Variants in STAC2 observed in about 807,000 individuals in gnomAD.
STAC2 encodes the protein SH3 and cysteine rich domain 2, also known as SH3 and cysteine-rich domain-containing protein 2.
STAC2 carries 36 observed loss-of-function variants against 49.0 expected under a neutral mutation model. The observed-to-expected ratio is 0.74, with a 90% CI of 0.56 to 0.97. The LOEUF (loss-of-function observed/expected upper bound fraction) is 0.97. STAC2 is among the 50% of genes least tolerant of loss of function. The pLI is 0.00. For synonymous variants in STAC2, 239 were observed against 214.7 expected, an observed-to-expected ratio of 1.11 and a Z score of -0.99; for missense variants, 527 against 543.8, an observed-to-expected ratio of 0.97 and a Z score of 0.31.
In STAC2 at chr17:39,225,722, C is replaced by G. The variant is rs1666656884; in HGVS notation, c.-220G>C. ...ACCACGCTGAGCCGCAGGAGCGGGA[C>G]GACCCCGGGCGCGAGGACCGAGGGT... is the stretch of plus-strand genomic sequence containing the variant. On this transcript the variant is annotated 5_prime_UTR_variant, in exon 1 of 11. Coordinates refer to ENST00000333461, the MANE Select transcript of STAC2 (RefSeq NM_198993.5). This position sits in a 1 kb window ranked among gnomAD's most constrained non-coding sequence, Gnocchi z 8.2. The G allele has an allele frequency of 1.7e-6, 1 of 576,276 alleles. No individual in the cohort carries two copies. The allele number at this position is 576,276 out of a possible 1,614,324, so 35.7% of individuals were successfully genotyped here.
At chr17:39,216,769 C>T in intron 4 of STAC2, 41 bp downstream of exon 4, 1 of 1,526,988 alleles carries the variant, frequency 6.5e-7, no homozygotes, top group Non-Finnish European at 8.9e-7. Context: ...TCTCATCCCA[C>T]CACAATGGGA....
intron 1 of STAC2, among the ~76,000 whole-genome samples, chr17:39,221,205 C>T (rs1163997839): frequency 6.6e-6 from 1 of 152,152 alleles, no homozygotes; most frequent in Non-Finnish European, 1.5e-5. Context: ...AAGCGATTCT[C>T]CTGCCTCAGC....
intron 1 of STAC2, among the ~76,000 whole-genome samples, chr17:39,221,901 A>C (rs1174239205): frequency 6.6e-6 from 1 of 152,174 alleles, no homozygotes; most frequent in African/African-American, 2.4e-5. Flanking sequence ...TCCCCAACTC[A>C]TCACCCTGCG....
rs766730310 is a variant in STAC2 at position 39,214,262 on chromosome 17, C to G, written c.912G>C (p.Leu304=). ...GAGCCAGATCATTGTTCTCCTGGGG[C>G]AGAAACTTGTAGAGTGCAACGTAGG... The part of the protein sequence containing the change: ...MYSYVALYKF[L]PQENNDLALQ... The change falls in exon 8 of 11, where the codon CTG becomes CTC. Residue 304 remains leucine (L), a synonymous_variant. Transcript: ENST00000333461. 3.7e-6 allele frequency: 6 copies of G among 1,613,932 alleles called. 1 individual carries two copies. In the East Asian group the frequency reaches 1.3e-4, roughly 36 times the overall value.
In STAC2 at chr17:39,217,965, C is replaced by G. The variant is rs752716848; in HGVS notation, c.299G>C (p.Arg100Pro). 1 of 1,553,506 alleles carries G rather than the reference C, an allele frequency of 6.4e-7. No individual in the cohort carries two copies. Among genetic ancestry groups the G allele is most frequent in the South Asian group, 1.1e-5 (1 of 87,686 alleles). Residue 100 changes from arginine (R) to proline (P), a missense_variant, in exon 2 of 11, where the codon CGC becomes CCC. Coordinates refer to ENST00000333461, the MANE Select transcript of STAC2 (RefSeq NM_198993.5). ...CACTGGTTTGAGCGCTGCCAGGGGG[C>G]GTGGGACTGGGCATGGGGAGGGGGA... Reference protein sequence around the residue: ...TPSPSPCPVPRPLAALKPVRL... With the variant: ...TPSPSPCPVPPPLAALKPVRL...
At chr17:39,215,974 G>C (rs1302219634) in intron 4 of STAC2, among the ~76,000 whole-genome samples, 2 of 152,150 alleles carry the variant, frequency 1.3e-5, no homozygotes, top group Non-Finnish European at 2.9e-5. Context: ...TTACAGGTGT[G>C]AGCCACCACA....
At chr17:39,216,750 A>G in intron 4 of STAC2, 60 bp downstream of exon 4, 1 of 1,469,552 alleles carries the variant, frequency 6.8e-7, no homozygotes, top group Non-Finnish European at 9.3e-7. Flanking sequence ...CTGGTCAGGG[A>G]TGTTGATTTC....
At chr17:39,221,272 T>C (rs1226332180) in intron 1 of STAC2, among the ~76,000 whole-genome samples, 1 of 150,214 alleles carries the variant, frequency 6.7e-6, no homozygotes, top group African/African-American at 2.4e-5. Flanking sequence ...ATTTTTTGTA[T>C]TTTTTTTTAG....
intron 1 of STAC2, among the ~76,000 whole-genome samples, chr17:39,224,615 A>C (rs888100582): frequency 6.6e-6 from 1 of 152,186 alleles, no homozygotes; most frequent in Non-Finnish European, 1.5e-5. Flanking sequence ...AGGAGTAACA[A>C]TCATCCATAA....
In STAC2 at chr17:39,215,191, C is replaced by T. The variant is rs781378505; in HGVS notation, c.626G>A (p.Arg209His). 28 of 1,613,876 alleles carry T rather than the reference C, an allele frequency of 1.7e-5. No homozygotes were observed. Among genetic ancestry groups the T allele is most frequent in the South Asian group, 3.3e-5 (3 of 91,088 alleles). The change falls in exon 5 of 11, where the codon CGC becomes CAC. Residue 209 changes from arginine to histidine, a missense_variant. Physicochemically the swap from Arg to His is conservative, Grantham distance 29. Transcript: ENST00000333461. ...CATCAGTGCCAGGGAGGTGCCATAG[C>T]GCAGGGTCTCGTAGACAGGGTCCAC... ...GKVDPVYETL[R>H]YGTSLALMNR...
chr17:39,217,935 A>G lies in STAC2; in HGVS notation c.329T>C (p.Leu110Pro), dbSNP rs140312051. The change falls in exon 2 of 11, where the codon CTG (leucine) becomes CCG (proline). Residue 110 changes from leucine to proline, a missense_variant. By Grantham distance (98) the Leu-to-Pro change is moderately conservative (BLOSUM62 -3). Coordinates refer to ENST00000333461, the MANE Select transcript of STAC2 (RefSeq NM_198993.5). ...RPLAALKPVRLHSFQEHVFKR... is the reference protein window; with the variant it reads ...RPLAALKPVRPHSFQEHVFKR... Reference sequence around the variant, plus strand: ...GAAGACATGTTCCTGGAAGCTGTGCAGCCTCACTGGTTTGAGCGCTGCCAG... The same window carrying G: ...GAAGACATGTTCCTGGAAGCTGTGCGGCCTCACTGGTTTGAGCGCTGCCAG... 1.4e-3 allele frequency: 2,182 copies of G among 1,603,760 alleles called. 3 individuals carry two copies. The highest frequency in any genetic ancestry group is 1.7e-3 in the South Asian group (149 of 89,432).
In STAC2 at chr17:39,213,084, G is replaced by A. The variant is rs796959791; in HGVS notation, c.1042C>T (p.Arg348Trp). ...CAAACATTCTCGCCTGGCCTCACCC[G>A]TTGCACAAAATTAGCTGGGAAGAAG... ...VGFFPANFVQ[R>W]VRPGENVWRC... Residue 348 changes from arginine to tryptophan, a missense_variant, in exon 10 of 11, where the codon CGG becomes TGG. By Grantham distance (101) the Arg-to-Trp change is moderately radical. Transcript: ENST00000333461. 6 of 1,613,030 alleles carry A rather than the reference G, an allele frequency of 3.7e-6. No homozygotes were observed. Among genetic ancestry groups the A allele is most frequent in the Non-Finnish European group, 4.2e-6 (5 of 1,180,020 alleles).
Position 39,225,312 on chromosome 17 carries a change from C to A in STAC2, c.90+101G>T, listed in dbSNP as rs1379305908. 2 of 1,024,816 alleles carry A rather than the reference C, an allele frequency of 2.0e-6. No homozygotes were observed. The highest frequency in any genetic ancestry group is 1.4e-6 in the Non-Finnish European group (1 of 736,828). 63.5% of individuals were successfully genotyped at this position (1,024,816 alleles called of 1,614,324 possible). On this transcript the variant is annotated intron_variant, in intron 1 of 10. Coordinates refer to ENST00000333461, the MANE Select transcript of STAC2 (RefSeq NM_198993.5). The surrounding 1 kb of genome is among the most constrained non-coding windows in gnomAD (Gnocchi z 8.2). ...GGAGCCTCAGTGGTCACGCGGGCCTCGCGACCGCGACCCTAGGACGCCCGG... is the reference window on the plus strand; with the variant it reads ...GGAGCCTCAGTGGTCACGCGGGCCTAGCGACCGCGACCCTAGGACGCCCGG...
chr17:39,219,768 C>G (rs115313127), intron 1 of STAC2, among the ~76,000 whole-genome samples: 2 of 152,224 alleles, frequency 1.3e-5, no homozygotes, highest in Non-Finnish European at 2.9e-5. Flanking sequence ...CCTCTTGACC[C>G]AGAGCCTTGG....
chr17:39,225,529 G>A lies in STAC2; in HGVS notation c.-27C>T, dbSNP rs199992234. On this transcript the variant is annotated 5_prime_UTR_variant, in exon 1 of 11. Coordinates refer to ENST00000333461, the MANE Select transcript of STAC2 (RefSeq NM_198993.5). This position sits in a 1 kb window ranked among gnomAD's most constrained non-coding sequence, Gnocchi z 8.2. ...GTTCGGGGAGAGGGGAGGAGAGGGT[G>A]CCGAGATCCGACGGCAGGCCCACCG... 3 of 1,604,080 alleles carry A rather than the reference G, an allele frequency of 1.9e-6. No homozygotes were observed. The highest frequency in any genetic ancestry group is 2.7e-5 in the African/African-American group (2 of 74,334).
intron 1 of STAC2, among the ~76,000 whole-genome samples, chr17:39,220,957 T>C (rs931189523): frequency 1.0e-4 from 15 of 150,464 alleles, no homozygotes; most frequent in Admixed American, 4.0e-4. Flanking sequence ...CCACCACGCC[T>C]GGCTAATTTT....
Position 39,214,841 on chromosome 17 carries a change from G to C in STAC2, c.793C>G (p.Pro265Ala), listed in dbSNP as rs764404407. The C allele has an allele frequency of 3.7e-6, 6 of 1,614,078 alleles. No individual in the cohort carries two copies. Among genetic ancestry groups the C allele is most frequent in the Non-Finnish European group, 5.1e-6 (6 of 1,179,988 alleles). ...GDSASPVFTA[P>A]AESEGPGPEE... ...GGTCCTGGCCCTTCACTCTCTGCTG[G>C]GGCTGTGAATACTGGAGATGCTAGG... The change falls in exon 7 of 11, where the codon CCA becomes GCA. Residue 265 changes from proline (P) to alanine (A), a missense_variant. By Grantham distance (27) the Pro-to-Ala change is conservative. Transcript: ENST00000333461.
rs57363360 is a variant in STAC2, at chr17:39,214,908, C to G, written c.772+43G>C. ...GGTGAGAGGCAGCAGGGAGCACCCT[C>G]CATTGTACCCCATTCCTGCCCTTGA... On this transcript the variant is annotated intron_variant, in intron 6 of 10. Coordinates refer to ENST00000333461, the MANE Select transcript of STAC2 (RefSeq NM_198993.5). 516 of 1,613,872 alleles carry G rather than the reference C, an allele frequency of 3.2e-4. 1 individual carries two copies. The highest frequency in any genetic ancestry group is 4.2e-4 in the Non-Finnish European group (498 of 1,179,896).
chr17:39,217,215 G>A (rs2144241300), intron 2 of STAC2, 42 bp from the exon 3 acceptor site: 2 of 1,591,952 alleles, frequency 1.3e-6, no homozygotes, highest in Admixed American at 1.7e-5. Context: ...CACCCCCGTG[G>A]GCAACAGGCA....
Sources: gnomAD v4.1 joint callset for allele counts (sites outside exome capture counted in the v4.1 genomes callset) on GRCh38, gnomAD v4.1.1 for gene constraint, Gnocchi (gnomAD v3.1) non-coding constraint, MANE v1.5 for transcripts, NCBI Gene and HGNC (gene_info 2026-07-23, HGNC 2026-07-21) for gene names.